Variants in VTI1A observed in about 807,000 individuals in gnomAD.
VTI1A encodes the protein vesicle transport through interaction with t-SNAREs homolog 1A.
Under a neutral mutation model 34.9 loss-of-function variants are expected in VTI1A, and 22 were observed. The observed-to-expected ratio is 0.63, with a 90% CI of 0.45 to 0.90. VTI1A has a LOEUF of 0.90. VTI1A is among the 40% of genes least tolerant of loss of function. VTI1A has a pLI of 0.00. For synonymous variants in VTI1A, 87 were observed against 97.3 expected, an observed-to-expected ratio of 0.89 and a Z score of 0.62; for missense variants, 268 against 275.6, an observed-to-expected ratio of 0.97 and a Z score of 0.20.
chr10:112,588,685 A>G (rs1429008339), intron 5 of VTI1A, among the ~76,000 whole-genome samples: 2 of 152,226 alleles, frequency 1.3e-5, no homozygotes, highest in Non-Finnish European at 2.9e-5. Context: ...ACAGTAATGC[A>G]TGAAAGGTCA....
intron 7 of VTI1A, among the ~76,000 whole-genome samples, chr10:112,679,475 T>C (rs1011405184): frequency 3.9e-5 from 6 of 152,192 alleles, no homozygotes; most frequent in Non-Finnish European, 8.8e-5. Context: ...TGGAAGCTGA[T>C]GTGATAGGAG....
intron 7 of VTI1A, 26 bp downstream of exon 7, chr10:112,669,024 TTCTC>T: frequency 6.2e-7 from 1 of 1,609,106 alleles, no homozygotes; most frequent in Non-Finnish European, 8.5e-7. Context: ...GGACATATCT[TTCTC>T]TCTGTGTGTT....
rs1564936926 is a variant in VTI1A, at chr10:112,815,505, G to A, written c.*122G>A. ...CAGGTGACCCTCTCTCTCCCTCACC[G>A]CCGTTGGGCTGAAGTGCAAAGAGTG... On this transcript the variant is annotated 3_prime_UTR_variant, in exon 8 of 8. Coordinates refer to ENST00000393077, the MANE Select transcript of VTI1A (RefSeq NM_145206.4). The A allele has an allele frequency of 8.6e-6, 7 of 809,708 alleles. No homozygotes were observed. Among genetic ancestry groups the A allele is most frequent in the Admixed American group, 2.1e-5 (1 of 47,930 alleles). The allele number at this position is 809,708 out of a possible 1,614,324, so 50.2% of individuals were successfully genotyped here. A position where few individuals can be genotyped will look rare whatever the true frequency, so the allele number is the denominator to read the frequency against.
chr10:112,480,520 GTGTGCA>G (rs564413978), intron 3 of VTI1A, among the ~76,000 whole-genome samples: 34 of 152,252 alleles, frequency 2.2e-4, no homozygotes, highest in South Asian at 6.2e-4. Context: ...ATATGTGTGT[GTGTGCA>G]TGTGCATGTG....
In VTI1A at chr10:112,815,340, T is replaced by C. The variant is rs747969091; in HGVS notation, c.611T>C (p.Ile204Thr). ...LLVILGIIVV[I>T]TILMAITFSV... ...GTCATCCTAGGGATCATCGTGGTCA[T>C]CACCATCCTGATGGCGATCACTTTT... Residue 204 changes from isoleucine (I) to threonine (T), a missense_variant, in exon 8 of 8, where the codon ATC becomes ACC. By Grantham distance (89) the Ile-to-Thr change is moderately conservative (BLOSUM62 -1). Coordinates refer to ENST00000393077, the MANE Select transcript of VTI1A (RefSeq NM_145206.4). 5.0e-6 allele frequency: 8 copies of C among 1,614,106 alleles called. No homozygotes were observed. Among genetic ancestry groups the C allele is most frequent in the Non-Finnish European group, 6.8e-6 (8 of 1,180,018 alleles).
intron 3 of VTI1A, among the ~76,000 whole-genome samples, chr10:112,500,164 T>G (rs1254365856): frequency 1.3e-5 from 2 of 152,144 alleles, no homozygotes; most frequent in African/African-American, 4.8e-5. Flanking sequence ...AGGCCGGGTG[T>G]GGTGACTCAT....
At chr10:112,590,364 A>G (rs986166139) in intron 5 of VTI1A, among the ~76,000 whole-genome samples, 2 of 152,156 alleles carry the variant, frequency 1.3e-5, no homozygotes, top group African/African-American at 2.4e-5. Flanking sequence ...TCCTCTCTAT[A>G]TATGTTTGTG....
rs762339605 is a variant in VTI1A at position 112,697,865 on chromosome 10, C to CGTGTGTGT, written c.560+28867_560+28868insGTGTGTGT. ...TTTTGTTTCTCTGTATTAGCATTTA[C>CGTGTGTGT]ATGTGTGTGTGTGTGTGTGTGTGTG... is the stretch of plus-strand genomic sequence containing the variant. On this transcript the variant is annotated intron_variant, in intron 7 of 7. Coordinates refer to ENST00000393077, the MANE Select transcript of VTI1A (RefSeq NM_145206.4). 6.1e-3 allele frequency among the ~76,000 whole-genome samples: 769 copies of CGTGTGTGT among 126,192 alleles called. 8 individuals are homozygous for CGTGTGTGT. Among genetic ancestry groups the CGTGTGTGT allele is most frequent in the African/African-American group, 0.022 (726 of 33,220 alleles). The allele number at this position is 126,192 out of a possible 152,430, so 82.8% of individuals were successfully genotyped here.
Position 112,732,943 on chromosome 10 carries a change from G to A in VTI1A, c.560+63945G>A, listed in dbSNP as rs190306285. Among the ~76,000 whole-genome samples, 50 of 152,316 alleles carry A rather than the reference G, an allele frequency of 3.3e-4. No homozygotes were observed. The East Asian group carries it at 9.1e-3, about 28-fold the overall frequency. On this transcript the variant is annotated intron_variant, in intron 7 of 7. Coordinates refer to ENST00000393077, the MANE Select transcript of VTI1A (RefSeq NM_145206.4). Reference sequence around the variant, plus strand: ...AGTAAAGGTGGATGGTCCCCAAGAAGAGAACATACCTCCAATTCCAAGGCT... The same window carrying A: ...AGTAAAGGTGGATGGTCCCCAAGAAAAGAACATACCTCCAATTCCAAGGCT...
chr10:112,456,375 T>C (rs887883686), intron 1 of VTI1A, among the ~76,000 whole-genome samples: 3 of 143,900 alleles, frequency 2.1e-5, no homozygotes, highest in African/African-American at 7.8e-5. Context: ...TGAGCCAAGA[T>C]TGCACCACTG....
chr10:112,629,613 T>C (rs1846057995), intron 5 of VTI1A, among the ~76,000 whole-genome samples: 1 of 152,250 alleles, frequency 6.6e-6, no homozygotes, highest in African/African-American at 2.4e-5. Flanking sequence ...GAATGAATGC[T>C]TATTTAACGC....
rs115377723 is a variant in VTI1A at position 112,774,137 on chromosome 10, G to A, written c.561-41153G>A. Among the ~76,000 whole-genome samples, 722 of 152,360 alleles carry A rather than the reference G, an allele frequency of 4.7e-3. 10 individuals carry two copies. Among genetic ancestry groups the A allele is most frequent in the African/African-American group, 0.017 (694 of 41,586 alleles). ...GCCGTGGAAACTGGAATGTTTCGAT[G>A]TGGAGGGTGTTGGAGAAAATGTCAC... On this transcript the variant is annotated intron_variant, in intron 7 of 7. Coordinates refer to ENST00000393077, the MANE Select transcript of VTI1A (RefSeq NM_145206.4).
At chr10:112,474,162 T>C (rs1432613710) in intron 3 of VTI1A, among the ~76,000 whole-genome samples, 3 of 151,934 alleles carry the variant, frequency 2.0e-5, no homozygotes, top group African/African-American at 4.8e-5. Context: ...CCCGGGCTCA[T>C]GCCATTCTCC....
chr10:112,545,356 G>C (rs1376715094), intron 5 of VTI1A, among the ~76,000 whole-genome samples: 2 of 152,178 alleles, frequency 1.3e-5, no homozygotes, highest in Non-Finnish European at 2.9e-5. Flanking sequence ...TTATAAATCT[G>C]GGCTGAAAGC....
chr10:112,732,983 C>G (rs7915752), intron 7 of VTI1A, among the ~76,000 whole-genome samples: 36,929 of 152,068 alleles, frequency 0.24, 8,838 homozygotes, highest in African/African-American at 0.62. Context: ...GCCTTCCCAG[C>G]AAAACGTGCA....
At chr10:112,645,798 A>G (rs928330985) in intron 5 of VTI1A, among the ~76,000 whole-genome samples, 1 of 151,974 alleles carries the variant, frequency 6.6e-6, no homozygotes, top group African/African-American at 2.4e-5. Flanking sequence ...CTTGCTTTTA[A>G]TGTTCTCCCC....
chr10:112,457,148 G>A (rs180794450), intron 1 of VTI1A, among the ~76,000 whole-genome samples: 2 of 152,248 alleles, frequency 1.3e-5, no homozygotes, highest in African/African-American at 4.8e-5. Context: ...TGGAAATAAA[G>A]TTGGAAAGGA....
chr10:112,736,500 G>A (rs1021559732), intron 7 of VTI1A, among the ~76,000 whole-genome samples: 1 of 152,134 alleles, frequency 6.6e-6, no homozygotes, highest in Non-Finnish European at 1.5e-5. Context: ...ATGGACTAAA[G>A]CGATGAATGA....
chr10:112,810,401 C>CAAA (rs55966805), intron 7 of VTI1A, among the ~76,000 whole-genome samples: 4,821 of 89,190 alleles, frequency 0.054, 117 homozygotes, highest in South Asian at 0.092. Flanking sequence ...GACTCCATCT[C>CAAA]AAAAAAAAAA....
Sources: gnomAD v4.1 joint callset for allele counts (sites outside exome capture counted in the v4.1 genomes callset) on GRCh38, gnomAD v4.1.1 for gene constraint, MANE v1.5 for transcripts, NCBI Gene and HGNC (gene_info 2026-07-23, HGNC 2026-07-21) for gene names.